Variants in SYN2 observed in about 807,000 individuals in gnomAD.
The protein encoded by SYN2 is synapsin-2.
In SYN2, 19 loss-of-function variants were observed where a neutral mutation model predicts 50.9. The ratio of observed to expected loss-of-function variants is 0.37; its 90% CI spans 0.26 to 0.55. The LOEUF is 0.55. SYN2 is among the 20% of genes least tolerant of loss of function. The probability of loss-of-function intolerance (pLI) is 0.81; values close to 1 mark genes in which losing one functional copy is unlikely to be tolerated. For synonymous variants in SYN2, 255 were observed against 224.9 expected, an observed-to-expected ratio of 1.13 and a Z score of -1.20; for missense variants, 587 against 576.4, an observed-to-expected ratio of 1.02 and a Z score of -0.19.
chr3:12,127,984 T>C (rs1696708038), intron 1 of SYN2, among the ~76,000 whole-genome samples: 1 of 152,140 alleles, frequency 6.6e-6, no homozygotes, highest in Non-Finnish European at 1.5e-5. Flanking sequence ...CTCACTCTGT[T>C]GCCCAGGCTG....
chr3:12,176,101 G>C (rs1166798198), intron 10 of SYN2, among the ~76,000 whole-genome samples: 1 of 152,106 alleles, frequency 6.6e-6, no homozygotes, highest in African/African-American at 2.4e-5. Flanking sequence ...TCTCTTCCCT[G>C]TACCACTGCC....
chr3:12,152,315 C>T (rs1246510689), intron 5 of SYN2, among the ~76,000 whole-genome samples: 2 of 152,178 alleles, frequency 1.3e-5, no homozygotes, highest in South Asian at 2.1e-4. Context: ...ACTCTAAGCT[C>T]TTGTCCTTAA....
At chr3:12,169,608 A>G in intron 9 of SYN2, 149 bp from the exon 10 acceptor site, 2 of 865,566 alleles carry the variant, frequency 2.3e-6, no homozygotes, top group Non-Finnish European at 3.5e-6. Context: ...CTATTTCTGC[A>G]AATGATCACA....
intron 11 of SYN2, chr3:12,183,802 A>C (rs1698278304): frequency 1.4e-5 from 15 of 1,037,738 alleles, no homozygotes; most frequent in Non-Finnish European, 1.6e-5. Flanking sequence ...AGGGGGGTGG[A>C]CAGGGGAGAA....
chr3:12,067,781 C>T (rs1313153590), intron 1 of SYN2, among the ~76,000 whole-genome samples: 1 of 152,180 alleles, frequency 6.6e-6, no homozygotes, highest in Non-Finnish European at 1.5e-5. Context: ...GAACTCAGGC[C>T]AGGCACGGTG....
At chr3:12,114,983 G>A (rs570416038) in intron 1 of SYN2, among the ~76,000 whole-genome samples, 3 of 152,164 alleles carry the variant, frequency 2.0e-5, no homozygotes, top group Non-Finnish European at 4.4e-5. Flanking sequence ...CAAGAAACTT[G>A]CCTTTCCATC....
At chr3:12,065,849 T>C (rs532456339) in intron 1 of SYN2, among the ~76,000 whole-genome samples, 2 of 151,796 alleles carry the variant, frequency 1.3e-5, no homozygotes, top group Admixed American at 1.3e-4. Flanking sequence ...TCCCTGAATC[T>C]AAAATAAAAG....
At chr3:12,050,799 G>A (rs1240703751) in intron 1 of SYN2, among the ~76,000 whole-genome samples, 1 of 132,518 alleles carries the variant, frequency 7.5e-6, no homozygotes, top group Non-Finnish European at 1.6e-5. Context: ...GCAGTGGCGC[G>A]ATCTCGGCTC....
At position 12,164,990 on chromosome 3, in the gene SYN2, T is replaced by C. The variant is rs866635056; in HGVS notation, c.981-2244T>C. 3.5e-3 allele frequency among the ~76,000 whole-genome samples: 495 copies of C among 141,004 alleles called. 2 individuals carry two copies. Among genetic ancestry groups the C allele is most frequent in the Middle Eastern group, 0.018 (5 of 278 alleles). 92.5% of individuals were successfully genotyped at this position (141,004 alleles called of 152,430 possible). On this transcript the variant is annotated intron_variant, in intron 7 of 12. Coordinates refer to ENST00000621198, the MANE Select transcript of SYN2 (RefSeq NM_133625.6). ...TTCTTCCTTTTTTTCTTTTCTTTTT[T>C]TTTTTTTTTTTTTTTGAGACAGAGT...
chr3:12,189,002 C>CA (rs764398731), intron 12 of SYN2, among the ~76,000 whole-genome samples: 34 of 152,228 alleles, frequency 2.2e-4, no homozygotes, highest in Non-Finnish European at 2.8e-4. Flanking sequence ...GGAGTGCCCC[C>CA]ACTCCCAGAG....
chr3:12,179,324 T>C (rs1173198278), intron 10 of SYN2, among the ~76,000 whole-genome samples: 1 of 146,030 alleles, frequency 6.8e-6, no homozygotes, highest in Non-Finnish European at 1.5e-5. Flanking sequence ...TCTGGAACTC[T>C]GTAGCTAAGA....
Position 12,158,786 on chromosome 3 carries a change from C to T in SYN2, c.775-2760C>T, listed in dbSNP as rs764910980. The T allele has an allele frequency of 1.2e-5, 20 of 1,603,296 alleles. No individual in the cohort carries two copies. In the Admixed American group the frequency reaches 2.7e-4, roughly 21 times the overall value. ...CCCAGCCCCGGGGGCCGCAGCAACG[C>T]CAGCAGCCGCAGCAACAGCACCCAG... On this transcript the variant is annotated intron_variant, in intron 5 of 12. Coordinates refer to ENST00000621198, the MANE Select transcript of SYN2 (RefSeq NM_133625.6).
chr3:12,044,181 T>TCTCTCACACA (rs573246278), intron 1 of SYN2, among the ~76,000 whole-genome samples: 78 of 53,394 alleles, frequency 1.5e-3, no homozygotes, highest in African/African-American at 3.1e-3. Context: ...TCTCTCTCTC[T>TCTCTCACACA]CACACACACA....
At chr3:12,049,521 A>AAG (rs1290151709) in intron 1 of SYN2, among the ~76,000 whole-genome samples, 1 of 78,974 alleles carries the variant, frequency 1.3e-5, no homozygotes, top group African/African-American at 6.0e-5. Flanking sequence ...TCCGTCTCAA[A>AAG]AAAAAAAAAA....
intron 1 of SYN2, among the ~76,000 whole-genome samples, chr3:12,035,490 A>G (rs1694479413): frequency 6.6e-6 from 1 of 152,204 alleles, no homozygotes; most frequent in Non-Finnish European, 1.5e-5. Flanking sequence ...GCACCAAGCA[A>G]TGAGAATTGA....
chr3:12,062,350 A>G (rs1695130087), intron 1 of SYN2, among the ~76,000 whole-genome samples: 1 of 152,006 alleles, frequency 6.6e-6, no homozygotes, highest in Admixed American at 6.6e-5. Flanking sequence ...TTTTGACAAA[A>G]ATTAAAATGG....
rs139993481 is a variant in SYN2, at chr3:12,026,717, T to A, written c.377+21789T>A. On this transcript the variant is annotated intron_variant, in intron 1 of 12. Transcript: ENST00000621198. Reference sequence around the variant, plus strand: ...AATGAGGAATGCTAGGAGACGTGGCTGGGAGGATCACTGAGCCACTTTGTA... The same window carrying A: ...AATGAGGAATGCTAGGAGACGTGGCAGGGAGGATCACTGAGCCACTTTGTA... 2.2e-3 allele frequency among the ~76,000 whole-genome samples: 338 copies of A among 152,298 alleles called. 2 individuals are homozygous for A. The highest frequency in any genetic ancestry group is 7.5e-3 in the African/African-American group (313 of 41,554).
At chr3:12,168,929 C>T (rs1180941047) in intron 9 of SYN2, among the ~76,000 whole-genome samples, 3 of 152,190 alleles carry the variant, frequency 2.0e-5, no homozygotes, top group African/African-American at 7.2e-5. Flanking sequence ...TGCTGACTCC[C>T]TTTTACCTGT....
intron 1 of SYN2, among the ~76,000 whole-genome samples, chr3:12,044,160 TTCTC>T (rs150236284): frequency 3.7e-5 from 5 of 135,562 alleles, no homozygotes; most frequent in East Asian, 2.2e-4. Flanking sequence ...GAAGGCAAAG[TTCTC>T]TCTCTCTCTC....
Sources: allele counts gnomAD v4.1 joint callset (sites outside exome capture counted in the v4.1 genomes callset), GRCh38; gene constraint gnomAD v4.1.1; transcripts MANE v1.5; gene names NCBI Gene and HGNC (gene_info 2026-07-23, HGNC 2026-07-21).